S100A13: variants seen among roughly 807,000 people sequenced by gnomAD.
S100A13 encodes the protein protein S100-A13.
S100A13 carries 6 observed loss-of-function variants against 8.2 expected under a neutral mutation model. That is an observed-to-expected ratio of 0.73 (90% CI 0.40 to 1.44). S100A13 has a LOEUF of 1.44. Among genes scored for constraint, S100A13 ranks in the 40% most tolerant of loss-of-function variants. The pLI is 0.02. For synonymous variants in S100A13, 39 were observed against 45.9 expected (o/e 0.85, Z 0.61); for missense variants, 114 against 113.6 (o/e 1.00, Z -0.02).
upstream of S100A13, chr1:153,627,981 C>G (rs1298265634): frequency 4.6e-6 from 7 of 1,513,034 alleles, no homozygotes; most frequent in Non-Finnish European, 5.3e-6. Context: ...AGGTTGAGAC[C>G]CCCAGAGAAG....
At chr1:153,626,772 G>A (rs1021527894) in intron 1 of S100A13, 14 of 302,290 alleles carry the variant, frequency 4.6e-5, no homozygotes, top group African/African-American at 2.5e-4. Context: ...CTCACAATCC[G>A]GGATCCTTTT....
chr1:153,630,923 G>C (rs1022125919), upstream of S100A13: 1 of 488,868 alleles, frequency 2.0e-6, no homozygotes, highest in Non-Finnish European at 3.6e-6. Flanking sequence ...AGAAGGGAAA[G>C]ATTGACACTT....
upstream of S100A13, chr1:153,627,747 A>C: frequency 3.3e-6 from 1 of 300,874 alleles, no homozygotes; most frequent in Non-Finnish European, 6.3e-6. Context: ...CCAGGGTCCT[A>C]GTCCTCTCAA....
At chr1:153,631,788 C>G (rs760478885), upstream of S100A13, 2 of 1,614,078 alleles carry the variant, frequency 1.2e-6, no homozygotes, top group African/African-American at 1.3e-5. Context: ...GTATGTGGTG[C>G]TTGTGGCTGC....
chr1:153,619,609 C>G (rs1667107166), intron 2 of S100A13, among the ~76,000 whole-genome samples: 1 of 152,184 alleles, frequency 6.6e-6, no homozygotes, highest in Non-Finnish European at 1.5e-5. Context: ...GGGCCCTTGA[C>G]AGGGTATCTC....
At chr1:153,625,007 A>G (rs1269637863) in intron 2 of S100A13, among the ~76,000 whole-genome samples, 1 of 152,142 alleles carries the variant, frequency 6.6e-6, no homozygotes, top group Non-Finnish European at 1.5e-5. Flanking sequence ...CCCAGGAGGC[A>G]GAGGTTGCAG....
intron 2 of S100A13, among the ~76,000 whole-genome samples, chr1:153,622,208 A>G (rs958565824): frequency 6.6e-6 from 1 of 152,114 alleles, no homozygotes; most frequent in Non-Finnish European, 1.5e-5. Flanking sequence ...CGTCTCTACT[A>G]AAAATACAAA....
chr1:153,619,046 G>A lies in S100A13; in HGVS notation c.154-8C>T, dbSNP rs371507377. 4 of 1,612,100 alleles carry A rather than the reference G, an allele frequency of 2.5e-6. No individual in the cohort carries two copies. The highest frequency in any genetic ancestry group is 1.3e-5 in the African/African-American group (1 of 74,886). On this transcript the variant is annotated splice_region_variant and splice_polypyrimidine_tract_variant and intron_variant, in intron 2 of 2. Transcript: ENST00000476133. ...ATCAAGAGAGCCCACATCCTGAGGA[G>A]ACACCAAAGGGAAGGGTAGAGTTAG...
chr1:153,627,093 G>C (rs1282140999), intron 1 of S100A13: 1 of 152,922 alleles, frequency 6.5e-6, no homozygotes, highest in Non-Finnish European at 1.5e-5. Flanking sequence ...GTCAGAGCTG[G>C]CTCCGTCTGA....
chr1:153,625,142 G>A (rs1333251981), intron 2 of S100A13, among the ~76,000 whole-genome samples: 1 of 152,178 alleles, frequency 6.6e-6, no homozygotes, highest in Non-Finnish European at 1.5e-5. Flanking sequence ...TGAGGCTGGG[G>A]CAGGAGGATT....
chr1:153,626,610 T>G (rs1317963424), intron 1 of S100A13, 77 bp from the exon 2 acceptor site: 1 of 810,650 alleles, frequency 1.2e-6, no homozygotes, highest in Non-Finnish European at 2.0e-6. Flanking sequence ...GGTCCCTGCC[T>G]TGGTGTTATC....
At chr1:153,623,771 G>T (rs1289614570) in intron 2 of S100A13, among the ~76,000 whole-genome samples, 1 of 152,160 alleles carries the variant, frequency 6.6e-6, no homozygotes. Flanking sequence ...TATTGCCAAG[G>T]GTCCCTTTTG....
chr1:153,628,529 G>C (rs564933764), upstream of S100A13: 1,482 of 1,549,928 alleles, frequency 9.6e-4, 15 homozygotes, highest in South Asian at 5.8e-3. Flanking sequence ...CTAGTCCCTG[G>C]CCTGCCAGCT....
chr1:153,631,425 G>C, upstream of S100A13: 1 of 1,515,254 alleles, frequency 6.6e-7, no homozygotes, highest in Non-Finnish European at 9.0e-7. Context: ...AAATTAGACA[G>C]TGCTTGTAAA....
Position 153,625,192 on chromosome 1 carries a change from C to T in S100A13, c.153+1128G>A, listed in dbSNP as rs141966611. On this transcript the variant is annotated intron_variant, in intron 2 of 2. Transcript: ENST00000476133. ...GGTCAAGGATGCAATGAGCTGTGAT[C>T]GCACAGTGGCCTGGGCAACAGAGTG... Among the ~76,000 whole-genome samples, 129 of 152,246 alleles carry T rather than the reference C, an allele frequency of 8.5e-4. 4 individuals carry two copies. In the East Asian group the frequency reaches 0.017, roughly 20 times the overall value.
chr1:153,625,231 C>CA (rs1255343821), intron 2 of S100A13, among the ~76,000 whole-genome samples: 3 of 151,618 alleles, frequency 2.0e-5, no homozygotes, highest in Non-Finnish European at 4.4e-5. Flanking sequence ...AACCCTGTCT[C>CA]AAAAAAAAGT....
At chr1:153,630,925 T>A (rs1409902310), upstream of S100A13, 8 of 485,690 alleles carry the variant, frequency 1.6e-5, no homozygotes, top group East Asian at 2.6e-4. Flanking sequence ...AAGGGAAAGA[T>A]TGACACTTAA....
At chr1:153,633,989 C>T (rs1334616982), upstream of S100A13, 2 of 152,386 alleles carry the variant, frequency 1.3e-5, no homozygotes, top group African/African-American at 4.8e-5. Flanking sequence ...ATCTTTCCCG[C>T]CCTCTAGTCG....
upstream of S100A13, chr1:153,628,422 C>T (rs1383121404): frequency 6.4e-7 from 1 of 1,550,554 alleles, no homozygotes; most frequent in East Asian, 2.4e-5. Context: ...GGTCTCCACA[C>T]ACAGCTCCAG....
Sources: allele counts gnomAD v4.1 joint callset (sites outside exome capture counted in the v4.1 genomes callset), GRCh38; gene constraint gnomAD v4.1.1; transcripts MANE v1.5; gene names NCBI Gene and HGNC (gene_info 2026-07-23, HGNC 2026-07-21).